The following PPP2R5C variants were observed in gnomAD, a reference collection of about 807,000 sequenced individuals.
PPP2R5C encodes protein phosphatase 2 regulatory subunit B'gamma, also known as serine/threonine-protein phosphatase 2A 56 kDa regulatory subunit gamma isoform.
A neutral mutation model predicts 68.9 loss-of-function variants in PPP2R5C; 7 were observed. The ratio of observed to expected loss-of-function variants is 0.10; its 90% CI spans 0.06 to 0.19. The LOEUF (loss-of-function observed/expected upper bound fraction) is 0.19, where lower values mean the gene tolerates loss of function less well. PPP2R5C is among the 10% of genes least tolerant of loss of function. PPP2R5C has a pLI of 1.00. For missense variants in PPP2R5C, 348 were observed against 641.3 expected, an observed-to-expected ratio of 0.54 and a Z score of 4.94; for synonymous variants, 210 against 222.2, an observed-to-expected ratio of 0.95 and a Z score of 0.49.
chr14:101,761,294 T>G (rs1365418590), upstream of PPP2R5C, among the ~76,000 whole-genome samples: 1 of 152,160 alleles, frequency 6.6e-6, no homozygotes, highest in East Asian at 1.9e-4. Flanking sequence ...CAAATGTGCA[T>G]TTCCTACGTC....
At chr14:101,872,219 C>CTTTTTTTTTTTT (rs386382344) in intron 2 of PPP2R5C, among the ~76,000 whole-genome samples, 5 of 91,178 alleles carry the variant, frequency 5.5e-5, no homozygotes, top group East Asian at 3.1e-4. Context: ...TTTCTTTTGC[C>CTTTTTTTTTTTT]TTTTTTTTTT....
rs553434921 is a variant in PPP2R5C, at chr14:101,857,197, T to A, written c.294+312T>A. Among the ~76,000 whole-genome samples, 19 of 152,350 alleles carry A rather than the reference T, an allele frequency of 1.2e-4. No homozygotes were observed. The South Asian group carries it at 3.7e-3, about 30-fold the overall frequency. On this transcript the variant is annotated intron_variant, in intron 2 of 13. Transcript: ENST00000334743. ...TATTTATTATTTTATCTTCTTTAAA[T>A]TTTTTTAAAACATATTTAACATTAA...
rs2044023331 is a variant in PPP2R5C at position 101,879,586 on chromosome 14, T to A, written c.295-2575T>A. On this transcript the variant is annotated intron_variant, in intron 2 of 13. Coordinates refer to ENST00000334743, the Ensembl canonical transcript of PPP2R5C. The surrounding 1 kb of genome is among the most constrained non-coding windows in gnomAD (Gnocchi z 4.2). The stretch of plus-strand genomic sequence containing the variant: ...CACAGATTCCTCTGCCACCCAGAGT[T>A]CGTGCCCAGGCTCTGCCCTCCCCAC... 6.6e-6 allele frequency among the ~76,000 whole-genome samples: 1 copy of A among 152,184 alleles called. No homozygotes were observed. The highest frequency in any genetic ancestry group is 1.5e-5 in the Non-Finnish European group (1 of 68,040).
At chr14:101,862,816 AT>A (rs71116853) in intron 2 of PPP2R5C, among the ~76,000 whole-genome samples, 13,701 of 127,162 alleles carry the variant, frequency 0.11, 694 homozygotes, top group Middle Eastern at 0.19. Context: ...GACATGATGG[AT>A]TTTTTTTTTT....
At chr14:101,829,968 T>G (rs2040638500) in intron 1 of PPP2R5C, among the ~76,000 whole-genome samples, 1 of 152,134 alleles carries the variant, frequency 6.6e-6, no homozygotes, top group South Asian at 2.1e-4. Flanking sequence ...TTTTCAAAAC[T>G]TGTTTCTATT....
intron 1 of PPP2R5C, among the ~76,000 whole-genome samples, chr14:101,811,755 T>C (rs1595226578): frequency 6.6e-6 from 1 of 152,176 alleles, no homozygotes; most frequent in Non-Finnish European, 1.5e-5. Flanking sequence ...ATCTTTTTGG[T>C]TTGTGTTTTC....
At chr14:101,841,256 G>A (rs1000849976) in intron 1 of PPP2R5C, among the ~76,000 whole-genome samples, 2 of 152,106 alleles carry the variant, frequency 1.3e-5, no homozygotes, top group Non-Finnish European at 1.5e-5. Context: ...TCCTGTCTTC[G>A]AGGCTTTACA....
chr14:101,908,733 A>G (rs947419413), intron 10 of PPP2R5C, among the ~76,000 whole-genome samples: 3 of 151,156 alleles, frequency 2.0e-5, no homozygotes, highest in Admixed American at 6.6e-5. Context: ...GAGTGTCGCC[A>G]TGTTTCTTGT....
rs1431944484 is a variant in PPP2R5C at position 101,888,638 on chromosome 14, C to T, written c.630-1599C>T. 6.6e-6 allele frequency among the ~76,000 whole-genome samples: 1 copy of T among 152,188 alleles called. No individual in the cohort carries two copies. Among genetic ancestry groups the T allele is most frequent in the Non-Finnish European group, 1.5e-5 (1 of 68,042 alleles). ...TGAAACAGGGTCTCTGTTGCCCAGG[C>T]TGGAATGCAGTGGCGCCATCTCAGC... On this transcript the variant is annotated intron_variant, in intron 5 of 13. Transcript: ENST00000334743. The surrounding 1 kb of genome is among the most constrained non-coding windows in gnomAD (Gnocchi z 5.6).
chr14:101,885,696 C>A (rs888834384), intron 5 of PPP2R5C, among the ~76,000 whole-genome samples: 1 of 152,190 alleles, frequency 6.6e-6, no homozygotes, highest in Non-Finnish European at 1.5e-5. Context: ...TGGACATAGC[C>A]CAGACCTGAC....
chr14:101,774,509 C>A (rs962852089), intron 2 of PPP2R5C, among the ~76,000 whole-genome samples: 2 of 152,208 alleles, frequency 1.3e-5, no homozygotes, highest in Admixed American at 1.3e-4. Flanking sequence ...TATACCCAGT[C>A]TCTGAGTGCG....
chr14:101,815,300 A>G (rs902687134), intron 1 of PPP2R5C, among the ~76,000 whole-genome samples: 3 of 152,186 alleles, frequency 2.0e-5, no homozygotes, highest in Non-Finnish European at 2.9e-5. Flanking sequence ...GATGCTGGTG[A>G]AAGCTCCCAC....
rs111805093 is a variant in PPP2R5C at position 101,886,297 on chromosome 14, A to C, written c.629+2735A>C. On this transcript the variant is annotated intron_variant, in intron 5 of 13. Coordinates refer to ENST00000334743, the Ensembl canonical transcript of PPP2R5C. ...CTCCGTCTCAAAAAAAAAAAAAAAA[A>C]GTAGTAGAAAGTGTTTTGTACCTTA... Among the ~76,000 whole-genome samples, 92 of 149,360 alleles carry C rather than the reference A, an allele frequency of 6.2e-4. 1 individual carries two copies. Among genetic ancestry groups the C allele is most frequent in the African/African-American group, 2.0e-3 (80 of 39,700 alleles).
intron 3 of PPP2R5C, among the ~76,000 whole-genome samples, chr14:101,803,753 C>G (rs2038966051): frequency 6.6e-6 from 1 of 151,990 alleles, no homozygotes; most frequent in Non-Finnish European, 1.5e-5. Flanking sequence ...AATCTAAGAC[C>G]TCAGACTGTG....
intron 1 of PPP2R5C, among the ~76,000 whole-genome samples, chr14:101,823,235 T>C (rs780051818): frequency 3.3e-5 from 5 of 152,220 alleles, no homozygotes; most frequent in Non-Finnish European, 5.9e-5. Context: ...GCATCCATAG[T>C]AACTAAGACA....
chr14:101,919,979 A>ACAAAAACAAAAC (rs72023751), intron 13 of PPP2R5C, among the ~76,000 whole-genome samples: 2 of 148,102 alleles, frequency 1.4e-5, no homozygotes, highest in African/African-American at 5.2e-5. Flanking sequence ...CAAAAAAAAA[A>ACAAAAACAAAAC]AAAAAAAAAA....
chr14:101,810,743 T>C (rs1218646608), intron 1 of PPP2R5C, among the ~76,000 whole-genome samples: 3 of 152,218 alleles, frequency 2.0e-5, no homozygotes, highest in Non-Finnish European at 4.4e-5. Context: ...GATCACTGTT[T>C]TAATAATTAG....
rs540216113 is a variant in PPP2R5C, at chr14:101,791,892, A to AT, written c.259+5717dup. On this transcript the variant is annotated intron_variant, in intron 3 of 14. Coordinates refer to the PPP2R5C transcript ENST00000328724. ...GATGTCTTATTTCCTTGTGTACCTG[A>AT]TTTTTTTTATTGTATATTGGTCATT... Among the ~76,000 whole-genome samples the AT allele has an allele frequency of 1.4e-4, 22 of 152,060 alleles. No homozygotes were observed. In the South Asian group the frequency reaches 2.3e-3, roughly 16 times the overall value.
chr14:101,776,881 CTTT>C (rs1302841711), intron 2 of PPP2R5C, among the ~76,000 whole-genome samples: 4 of 140,246 alleles, frequency 2.9e-5, no homozygotes, highest in African/African-American at 2.6e-5. Flanking sequence ...ACCTCATTCC[CTTT>C]TTTTTTTTTT....
Sources: allele counts gnomAD v4.1 joint callset (sites outside exome capture counted in the v4.1 genomes callset), GRCh38; gene constraint gnomAD v4.1.1; non-coding constraint Gnocchi (gnomAD v3.1); transcripts MANE v1.5; gene names NCBI Gene and HGNC (gene_info 2026-07-23, HGNC 2026-07-21).